Variants in RAB38 observed in about 807,000 individuals in gnomAD.
The protein encoded by RAB38 is ras-related protein Rab-38.
In RAB38, 15 loss-of-function variants were observed where a neutral mutation model predicts 18.4. The observed-to-expected ratio is 0.82, with a 90% CI of 0.55 to 1.26. The LOEUF (loss-of-function observed/expected upper bound fraction) is 1.26. RAB38 is among the 50% of genes most tolerant of loss of function. The probability of loss-of-function intolerance (pLI) is 0.00; values close to 1 mark genes in which losing one functional copy is unlikely to be tolerated. For synonymous variants in RAB38, 101 were observed against 104.4 expected, an observed-to-expected ratio of 0.97 and a Z score of 0.20; for missense variants, 294 against 267.4, an observed-to-expected ratio of 1.10 and a Z score of -0.69.
At chr11:87,834,194 C>T in the RAB38 span, among the ~76,000 whole-genome samples, 1 of 152,284 alleles carries the variant, frequency 6.6e-6, no homozygotes, top group South Asian at 2.1e-4. Flanking sequence ...GGAGCAAAGA[C>T]CAGCCACCAA....
At chr11:88,032,457 G>T in the RAB38 span, among the ~76,000 whole-genome samples, 3 of 152,072 alleles carry the variant, frequency 2.0e-5, no homozygotes, top group Admixed American at 2.0e-4. Context: ...TACAAAATGG[G>T]AGAAAATTTT....
At chr11:88,007,469 T>A in the RAB38 span, among the ~76,000 whole-genome samples, 1 of 151,964 alleles carries the variant, frequency 6.6e-6, no homozygotes, top group Admixed American at 6.6e-5. Flanking sequence ...AAACAAGATA[T>A]TTAAATGATC....
At chr11:88,038,708 C>T in the RAB38 span, among the ~76,000 whole-genome samples, 3 of 152,116 alleles carry the variant, frequency 2.0e-5, no homozygotes, top group South Asian at 2.1e-4. Flanking sequence ...CCAAGTCTTA[C>T]GAATTATATA....
At chr11:87,851,615 A>C in the RAB38 span, among the ~76,000 whole-genome samples, 1 of 152,196 alleles carries the variant, frequency 6.6e-6, no homozygotes, top group Non-Finnish European at 1.5e-5. Context: ...AAAAGGTAAG[A>C]AAAACAGATA....
the RAB38 span, among the ~76,000 whole-genome samples, chr11:87,923,843 T>C: frequency 6.6e-6 from 1 of 151,900 alleles, no homozygotes; most frequent in Non-Finnish European, 1.5e-5. Context: ...AGTTTTGTAG[T>C]TGAGGAATCA....
chr11:88,112,439 A>G (rs1942485786), downstream of RAB38, among the ~76,000 whole-genome samples: 3 of 152,166 alleles, frequency 2.0e-5, no homozygotes. Context: ...CAGAGTTTCC[A>G]AAGAATTTGG....
the RAB38 span, among the ~76,000 whole-genome samples, chr11:87,957,726 G>A: frequency 6.6e-6 from 1 of 152,064 alleles, no homozygotes; most frequent in East Asian, 1.9e-4. Context: ...TGAGGGAGAG[G>A]AGTTCTAACT....
At chr11:88,152,187 C>T (rs1477472923) in intron 1 of RAB38, among the ~76,000 whole-genome samples, 1 of 152,112 alleles carries the variant, frequency 6.6e-6, no homozygotes, top group Non-Finnish European at 1.5e-5. Flanking sequence ...ACTTCCAAGG[C>T]CTTTAGGCTT....
chr11:88,155,396 G>T (rs1431692865), intron 1 of RAB38, among the ~76,000 whole-genome samples: 1 of 151,948 alleles, frequency 6.6e-6, no homozygotes, highest in African/African-American at 2.4e-5. Context: ...AAACTGCACA[G>T]CCCAATAAAA....
At chr11:87,893,390 A>ATATATATT in the RAB38 span, among the ~76,000 whole-genome samples, 1 of 93,916 alleles carries the variant, frequency 1.1e-5, no homozygotes, top group East Asian at 3.3e-4. Flanking sequence ...ATATATATAT[A>ATATATATT]TTTTTTTTTT....
chr11:87,861,671 C>T, the RAB38 span, among the ~76,000 whole-genome samples: 1 of 151,642 alleles, frequency 6.6e-6, no homozygotes, highest in African/African-American at 2.4e-5. Context: ...CCCAGGACAC[C>T]CTCATAGCGA....
At chr11:88,135,778 T>C (rs1942828631) in intron 2 of RAB38, among the ~76,000 whole-genome samples, 1 of 152,206 alleles carries the variant, frequency 6.6e-6, no homozygotes, top group Non-Finnish European at 1.5e-5. Context: ...TGCGATGGTA[T>C]TTAAAAATGG....
At chr11:87,892,744 A>G in the RAB38 span, among the ~76,000 whole-genome samples, 1 of 151,780 alleles carries the variant, frequency 6.6e-6, no homozygotes, top group Non-Finnish European at 1.5e-5. Flanking sequence ...CCAGTCTTTA[A>G]GATTCCGCTC....
At chr11:88,047,180 C>A in the RAB38 span, among the ~76,000 whole-genome samples, 1 of 152,182 alleles carries the variant, frequency 6.6e-6, no homozygotes, top group African/African-American at 2.4e-5. Context: ...CCCCCGGCTC[C>A]TTCAGCTGTA....
At chr11:88,012,491 A>T in the RAB38 span, among the ~76,000 whole-genome samples, 3 of 152,212 alleles carry the variant, frequency 2.0e-5, no homozygotes, top group African/African-American at 7.2e-5. Context: ...CTATTAAAAA[A>T]TAGTTTTAAG....
chr11:88,104,839 G>C, the RAB38 span, among the ~76,000 whole-genome samples: 4 of 151,978 alleles, frequency 2.6e-5, no homozygotes, highest in Non-Finnish European at 5.9e-5. Context: ...CTCAATATTT[G>C]TTTCCTTTGC....
the RAB38 span, among the ~76,000 whole-genome samples, chr11:87,976,643 A>AT: frequency 2.7e-5 from 3 of 113,024 alleles, no homozygotes; most frequent in East Asian, 7.6e-4. Context: ...ATGATTTTAT[A>AT]TGATATATAA....
the RAB38 span, among the ~76,000 whole-genome samples, chr11:88,075,168 G>A: frequency 6.6e-6 from 1 of 152,198 alleles, no homozygotes; most frequent in East Asian, 1.9e-4. Flanking sequence ...AAGAAACATT[G>A]GAGTTAAACT....
the RAB38 span, among the ~76,000 whole-genome samples, chr11:88,074,474 T>A: frequency 6.6e-6 from 1 of 152,162 alleles, no homozygotes; most frequent in Non-Finnish European, 1.5e-5. Flanking sequence ...TAAGCTGTCA[T>A]CTCTTTAAAT....
Sources: gnomAD v4.1 joint callset for allele counts (sites outside exome capture counted in the v4.1 genomes callset) on GRCh38, gnomAD v4.1.1 for gene constraint, MANE v1.5 for transcripts, NCBI Gene and HGNC (gene_info 2026-07-23, HGNC 2026-07-21) for gene names.